The following GALNT17 variants were observed in gnomAD, a reference collection of about 807,000 sequenced individuals.
The protein encoded by GALNT17 is polypeptide N-acetylgalactosaminyltransferase 17.
Under a neutral mutation model 63.7 loss-of-function variants are expected in GALNT17, and 29 were observed. The ratio of observed to expected loss-of-function variants is 0.46; its 90% CI spans 0.34 to 0.62. The LOEUF (loss-of-function observed/expected upper bound fraction) is 0.62, where lower values mean the gene tolerates loss of function less well. Ranked by LOEUF, GALNT17 falls within the 20% of genes least tolerant of loss-of-function variation. The pLI is 0.01. For synonymous variants in GALNT17, 305 were observed against 318.3 expected (o/e 0.96, Z 0.45); for missense variants, 603 against 799.6 (o/e 0.75, Z 2.97).
At chr7:71,179,624 G>A (rs538415453) in intron 1 of GALNT17, among the ~76,000 whole-genome samples, 1 of 151,504 alleles carries the variant, frequency 6.6e-6, no homozygotes, top group Admixed American at 6.6e-5. Context: ...GGTGAGCCAA[G>A]GATTTGCATG....
intron 6 of GALNT17, among the ~76,000 whole-genome samples, chr7:71,660,106 TC>T (rs1392510900): frequency 6.6e-6 from 1 of 152,142 alleles, no homozygotes; most frequent in Non-Finnish European, 1.5e-5. Context: ...TCTCATTTCA[TC>T]CCCCTGCCCA....
intron 1 of GALNT17, among the ~76,000 whole-genome samples, chr7:71,260,875 G>A (rs920018131): frequency 1.3e-5 from 2 of 152,144 alleles, no homozygotes; most frequent in African/African-American, 4.8e-5. Flanking sequence ...AAGTGCTGGT[G>A]TTATAGGCAT....
rs191110099 is a variant in GALNT17 at position 71,427,172 on chromosome 7, C to G, written c.962+6067C>G. Among the ~76,000 whole-genome samples the G allele has an allele frequency of 8.3e-3, 1,254 of 151,068 alleles. 16 individuals are homozygous for G. The highest frequency in any genetic ancestry group is 0.029 in the African/African-American group (1,203 of 41,240). ...TTGGCTCACTGCAACCTCCACCTCCCAGGTTGAAGCGATTCTCTTGCCTCA... is the reference window on the plus strand; with the variant it reads ...TTGGCTCACTGCAACCTCCACCTCCGAGGTTGAAGCGATTCTCTTGCCTCA... On this transcript the variant is annotated intron_variant, in intron 5 of 10. Coordinates refer to ENST00000333538, the MANE Select transcript of GALNT17 (RefSeq NM_022479.3).
chr7:71,475,995 A>G (rs1448982469), intron 5 of GALNT17, among the ~76,000 whole-genome samples: 2 of 152,202 alleles, frequency 1.3e-5, no homozygotes, highest in African/African-American at 4.8e-5. Context: ...CCTACTAATT[A>G]TAATAATTAT....
rs185193350 is a variant in GALNT17 at position 71,342,100 on chromosome 7, T to C, written c.422+6367T>C. On this transcript the variant is annotated intron_variant, in intron 2 of 10. Transcript: ENST00000333538. Reference sequence around the variant, plus strand: ...TGATTGTGTTAGGCCATTGTGTTGCTATAAAGGAATACCTGAGACTGGGTT... The same window carrying C: ...TGATTGTGTTAGGCCATTGTGTTGCCATAAAGGAATACCTGAGACTGGGTT... Among the ~76,000 whole-genome samples, 33 of 152,312 alleles carry C rather than the reference T, an allele frequency of 2.2e-4. No homozygotes were observed. The East Asian group carries it at 6.2e-3, about 28-fold the overall frequency.
intron 6 of GALNT17, among the ~76,000 whole-genome samples, chr7:71,632,293 G>A (rs968590273): frequency 2.0e-5 from 3 of 152,190 alleles, no homozygotes; most frequent in African/African-American, 7.2e-5. Context: ...CCTGCCGGGT[G>A]CCGGGAGCAC....
At chr7:71,175,202 CTCCA>C (rs1029115834) in intron 1 of GALNT17, among the ~76,000 whole-genome samples, 2 of 151,826 alleles carry the variant, frequency 1.3e-5, no homozygotes, top group East Asian at 1.9e-4. Flanking sequence ...CTATCTATCC[CTCCA>C]TCCATCCATC....
At chr7:71,549,279 G>A (rs1299745611) in intron 5 of GALNT17, among the ~76,000 whole-genome samples, 1 of 152,158 alleles carries the variant, frequency 6.6e-6, no homozygotes, top group East Asian at 1.9e-4. Flanking sequence ...CATTAGAAAA[G>A]ATCTTGGCTG....
At chr7:71,644,445 G>A (rs1450729162) in intron 6 of GALNT17, among the ~76,000 whole-genome samples, 4 of 138,052 alleles carry the variant, frequency 2.9e-5, no homozygotes, top group African/African-American at 8.2e-5. Flanking sequence ...TGAGGCAGGA[G>A]AATTGCTCGG....
intron 3 of GALNT17, among the ~76,000 whole-genome samples, chr7:71,392,511 C>T (rs531998468): frequency 6.6e-6 from 1 of 152,246 alleles, no homozygotes; most frequent in South Asian, 2.1e-4. Flanking sequence ...TGAAAATGTG[C>T]ATTTCTTATA....
chr7:71,165,421 C>A (rs2116265429), intron 1 of GALNT17, among the ~76,000 whole-genome samples: 1 of 152,282 alleles, frequency 6.6e-6, no homozygotes, highest in Non-Finnish European at 1.5e-5. Context: ...GGAGGCCTCA[C>A]AAACATGGCA....
intron 5 of GALNT17, among the ~76,000 whole-genome samples, chr7:71,564,110 C>G (rs1465072238): frequency 6.6e-6 from 1 of 152,026 alleles, no homozygotes; most frequent in Non-Finnish European, 1.5e-5. Flanking sequence ...GCTCCCAGCA[C>G]TATAGGGAAG....
intron 6 of GALNT17, among the ~76,000 whole-genome samples, chr7:71,636,879 A>G (rs1043434893): frequency 2.0e-5 from 3 of 152,162 alleles, no homozygotes; most frequent in Non-Finnish European, 4.4e-5. Context: ...TGTGGAAGTG[A>G]TGGAGAACAG....
At chr7:71,403,577 T>G (rs1793276281) in intron 3 of GALNT17, among the ~76,000 whole-genome samples, 1 of 152,240 alleles carries the variant, frequency 6.6e-6, no homozygotes, top group African/African-American at 2.4e-5. Context: ...CATTAGTAAC[T>G]TAACGTGGAC....
At chr7:71,278,422 G>T (rs1790719998) in intron 1 of GALNT17, among the ~76,000 whole-genome samples, 1 of 152,192 alleles carries the variant, frequency 6.6e-6, no homozygotes, top group Middle Eastern at 3.2e-3. Context: ...TCTGGTGTTT[G>T]GAGTGATACA....
chr7:71,507,220 G>C (rs527768762), intron 5 of GALNT17, among the ~76,000 whole-genome samples: 24 of 152,250 alleles, frequency 1.6e-4, no homozygotes, highest in African/African-American at 5.3e-4. Flanking sequence ...GATGACAAGA[G>C]TAAAACCCTG....
At chr7:71,247,327 CAT>C (rs1310448611) in intron 1 of GALNT17, among the ~76,000 whole-genome samples, 2 of 152,186 alleles carry the variant, frequency 1.3e-5, no homozygotes, top group East Asian at 3.9e-4. Context: ...ATGGGGAAAA[CAT>C]GAGAAAAATT....
chr7:71,411,624 C>A (rs1032133642), intron 3 of GALNT17, among the ~76,000 whole-genome samples: 6 of 152,142 alleles, frequency 3.9e-5, no homozygotes, highest in Non-Finnish European at 8.8e-5. Context: ...TGTGTTCCAC[C>A]AGAGCCAGGC....
chr7:71,340,083 A>C (rs1046299656), intron 2 of GALNT17, among the ~76,000 whole-genome samples: 2 of 152,218 alleles, frequency 1.3e-5, no homozygotes, highest in South Asian at 4.1e-4. Context: ...TTGTAAGAGC[A>C]GAAGAATGCA....
Sources: gnomAD v4.1 joint callset for allele counts (sites outside exome capture counted in the v4.1 genomes callset) on GRCh38, gnomAD v4.1.1 for gene constraint, MANE v1.5 for transcripts, NCBI Gene and HGNC (gene_info 2026-07-23, HGNC 2026-07-21) for gene names.